Variants in NUP133 observed in about 807,000 individuals in gnomAD.
NUP133 encodes the protein nucleoporin 133.
In NUP133, 66 loss-of-function variants were observed where a neutral mutation model predicts 146.2. The ratio of observed to expected loss-of-function variants is 0.45; its 90% CI spans 0.37 to 0.55. The LOEUF (loss-of-function observed/expected upper bound fraction) is 0.55, where lower values mean the gene tolerates loss of function less well. Ranked by LOEUF, NUP133 falls within the 20% of genes least tolerant of loss-of-function variation. NUP133 has a pLI of 0.00. For missense variants in NUP133, 1,277 were observed against 1,374.8 expected, an observed-to-expected ratio of 0.93 and a Z score of 1.12; for synonymous variants, 521 against 498.8, an observed-to-expected ratio of 1.04 and a Z score of -0.59.
intron 13 of NUP133, among the ~76,000 whole-genome samples, chr1:229,476,478 AAGTAAG>A (rs1351768592): frequency 3.3e-5 from 5 of 152,260 alleles, no homozygotes; most frequent in African/African-American, 1.2e-4. Context: ...TCTGAGGTGG[AAGTAAG>A]AGTAAGAGGG....
At chr1:229,494,768 T>C (rs752849155) in intron 8 of NUP133, among the ~76,000 whole-genome samples, 7 of 152,200 alleles carry the variant, frequency 4.6e-5, no homozygotes, top group Non-Finnish European at 8.8e-5. Context: ...TAACTCAGCA[T>C]AGCCACAAAC....
At position 229,489,988 on chromosome 1, in the gene NUP133, A is replaced by C; in HGVS notation, c.1161T>G (p.Thr387=). 2 of 1,609,622 alleles carry C rather than the reference A, an allele frequency of 1.2e-6. No individual in the cohort carries two copies. The highest frequency in any genetic ancestry group is 1.7e-6 in the Non-Finnish European group (2 of 1,177,614). ...GTGGATTATATTGAGTGACTTCTACAGTAACTGCATCTGACATTTGGCAAC... is the reference window on the plus strand; with the variant it reads ...GTGGATTATATTGAGTGACTTCTACCGTAACTGCATCTGACATTTGGCAAC... The part of the protein sequence containing the change: ...DNGCQMSDAV[T]VEVTQYNPPF... The change falls in exon 9 of 26, where the codon ACT becomes ACG. Residue 387 remains threonine (T), a synonymous_variant. Transcript: ENST00000261396.
intron 11 of NUP133, among the ~76,000 whole-genome samples, chr1:229,486,023 G>A (rs1454410905): frequency 6.6e-6 from 1 of 152,082 alleles, no homozygotes; most frequent in African/African-American, 2.4e-5. Flanking sequence ...TTAGCCAGGT[G>A]AGATGGCGCA....
chr1:229,470,884 G>C (rs1660940662), intron 14 of NUP133, 80 bp from the exon 15 acceptor site: 2 of 1,257,386 alleles, frequency 1.6e-6, no homozygotes, highest in Admixed American at 1.9e-5. Context: ...TTCCCCAGAA[G>C]CACCCTGGGC....
chr1:229,465,338 G>A (rs919625925), intron 17 of NUP133, 82 bp downstream of exon 17: 16 of 1,092,816 alleles, frequency 1.5e-5, no homozygotes, highest in South Asian at 2.6e-5. Flanking sequence ...ACAAACCTAC[G>A]CTAGGGGAAT....
At chr1:229,497,773 G>A (rs1394171257) in intron 6 of NUP133, among the ~76,000 whole-genome samples, 2 of 152,186 alleles carry the variant, frequency 1.3e-5, no homozygotes, top group Non-Finnish European at 2.9e-5. Context: ...CCAGCCAACA[G>A]ATCTAGATTT....
chr1:229,475,168 G>T (rs1015720985), intron 14 of NUP133, among the ~76,000 whole-genome samples: 1 of 152,052 alleles, frequency 6.6e-6, no homozygotes, highest in Non-Finnish European at 1.5e-5. Flanking sequence ...CATTCATTTG[G>T]CTACGTAATA....
chr1:229,479,202 C>G (rs762158590), intron 12 of NUP133, among the ~76,000 whole-genome samples: 1 of 152,220 alleles, frequency 6.6e-6, no homozygotes, highest in African/African-American at 2.4e-5. Context: ...AGTCCTGCAG[C>G]TGGCTCTGTG....
chr1:229,458,250 A>G lies in NUP133; in HGVS notation c.2891T>C (p.Phe964Ser). The G allele has an allele frequency of 6.2e-7, 1 of 1,613,686 alleles. No individual in the cohort carries two copies. Among genetic ancestry groups the G allele is most frequent in the Non-Finnish European group, 8.5e-7 (1 of 1,179,724 alleles). The change falls in exon 21 of 26, where the codon TTT becomes TCT. Residue 964 changes from phenylalanine to serine, a missense_variant. Phe to Ser is a radical substitution (Grantham distance 155). Coordinates refer to ENST00000261396, the MANE Select transcript of NUP133 (RefSeq NM_018230.3). ...GCCAAGAAGGGTTTTCTTCTTTGCA[A>G]AGTAACGAGTTTCCATATTTGCCAA... Reference protein sequence around the residue: ...LGLANMETRYFAKKKTLLGLS... With the variant: ...LGLANMETRYSAKKKTLLGLS...
chr1:229,475,814 A>T, intron 13 of NUP133, 82 bp from the exon 14 acceptor site: 1 of 1,185,276 alleles, frequency 8.4e-7, no homozygotes, highest in Non-Finnish European at 1.3e-6. Context: ...ACTGCTATTA[A>T]AATAAAAAGC....
intron 14 of NUP133, among the ~76,000 whole-genome samples, chr1:229,474,238 G>A (rs1355386752): frequency 6.6e-6 from 1 of 152,318 alleles, no homozygotes. Context: ...GAGTGATTCC[G>A]GGTGAAACCA....
intron 10 of NUP133, among the ~76,000 whole-genome samples, 191 bp downstream of exon 10, chr1:229,487,275 T>C (rs572036158): frequency 2.0e-5 from 3 of 152,172 alleles, no homozygotes; most frequent in Admixed American, 2.0e-4. Flanking sequence ...GTAAATATAA[T>C]AGTTTGGAAA....
chr1:229,483,643 T>C (rs1438207514), intron 12 of NUP133, among the ~76,000 whole-genome samples: 1 of 142,534 alleles, frequency 7.0e-6, no homozygotes, highest in Non-Finnish European at 1.5e-5. Flanking sequence ...AGGCGGAGTT[T>C]GCAGTGAGCC....
intron 20 of NUP133, among the ~76,000 whole-genome samples, chr1:229,460,085 T>C (rs1283218660): frequency 1.3e-5 from 2 of 152,246 alleles, no homozygotes; most frequent in African/African-American, 4.8e-5. Context: ...CTCATTGTGA[T>C]ATAAATTTGC....
At chr1:229,443,866 A>G (rs1279314005) in intron 25 of NUP133, among the ~76,000 whole-genome samples, 1 of 148,988 alleles carries the variant, frequency 6.7e-6, no homozygotes, top group Non-Finnish European at 1.5e-5. Flanking sequence ...GTAGCTGGAA[A>G]CACAGGCATG....
intron 18 of NUP133, 28 bp from the exon 19 acceptor site, chr1:229,463,704 A>C (rs754298404): frequency 6.4e-6 from 10 of 1,569,474 alleles, no homozygotes; most frequent in Admixed American, 2.1e-5. Flanking sequence ...GATGGGAAAA[A>C]ATCCTGTTAG....
rs1430860225 is a variant in NUP133 at position 229,440,405 on chromosome 1, G to A, written c.*1499C>T. 6.6e-6 allele frequency: 1 copy of A among 152,176 alleles called. No homozygotes were observed. The highest frequency in any genetic ancestry group is 1.5e-5 in the Non-Finnish European group (1 of 68,046). The allele number at this position is 152,176 out of a possible 1,614,324, so 9.4% of individuals were successfully genotyped here. A position where few individuals can be genotyped will look rare whatever the true frequency, so the allele number is the denominator to read the frequency against. ...AGGATGACTCTACTTCACACGGTAA[G>A]AGCAGTCGTTCTACGTCCACGCGAT... is the stretch of plus-strand genomic sequence containing the variant. On this transcript the variant is annotated 3_prime_UTR_variant, in exon 26 of 26. Transcript: ENST00000261396.
chr1:229,442,711 GTTC>G (rs1660210445), intron 25 of NUP133, among the ~76,000 whole-genome samples: 2 of 140,764 alleles, frequency 1.4e-5, no homozygotes. Flanking sequence ...TCATTTTTTG[GTTC>G]TTTTTTTTTT....
At chr1:229,471,368 C>T (rs1349629832) in intron 14 of NUP133, among the ~76,000 whole-genome samples, 2 of 152,148 alleles carry the variant, frequency 1.3e-5, no homozygotes, top group East Asian at 1.9e-4. Context: ...CCTACTGACT[C>T]GGCCTCTCAA....
Sources: allele counts gnomAD v4.1 joint callset (sites outside exome capture counted in the v4.1 genomes callset), GRCh38; gene constraint gnomAD v4.1.1; transcripts MANE v1.5; gene names NCBI Gene and HGNC (gene_info 2026-07-23, HGNC 2026-07-21).